Variants in UPRT observed in about 807,000 individuals in gnomAD.
UPRT encodes the protein RP11-311P8.3.
UPRT carries 5 observed loss-of-function variants against 22.6 expected under a neutral mutation model. The ratio of observed to expected loss-of-function variants is 0.22; its 90% CI spans 0.12 to 0.47. The LOEUF is 0.47. Ranked by LOEUF, UPRT falls within the 20% of genes least tolerant of loss-of-function variation. UPRT has a pLI of 0.99. For synonymous variants in UPRT, 77 were observed against 87.7 expected, an observed-to-expected ratio of 0.88 and a Z score of 0.68; for missense variants, 181 against 239.9, an observed-to-expected ratio of 0.75 and a Z score of 1.62.
At chrX:75,274,719 G>A (rs771526505) in intron 1 of UPRT, 79 bp downstream of exon 1, 118 of 1,082,740 alleles carry the variant, frequency 1.1e-4, no homozygotes, top group Non-Finnish European at 1.4e-4. Context: ...AAAGGGCTAA[G>A]AGACAGTGTT....
intron 4 of UPRT, among the ~76,000 whole-genome samples, chrX:75,182,113 G>A (rs1454009817): frequency 1.8e-5 from 2 of 111,134 alleles, no homozygotes; most frequent in African/African-American, 6.5e-5. Context: ...ATCATGTTTT[G>A]TTTGTTTGTT....
intron 4 of UPRT, among the ~76,000 whole-genome samples, chrX:75,247,203 A>G (rs775188412): frequency 1.8e-5 from 2 of 111,544 alleles, no homozygotes; most frequent in Non-Finnish European, 3.8e-5. Flanking sequence ...TTCCGGGTTC[A>G]TCTCACTGGG....
intron 4 of UPRT, among the ~76,000 whole-genome samples, chrX:75,231,705 A>T (rs2082438963): frequency 8.9e-6 from 1 of 112,225 alleles, no homozygotes; most frequent in Non-Finnish European, 1.9e-5. Flanking sequence ...AAGCAAAAGG[A>T]TCAGGTAACA....
upstream of UPRT, among the ~76,000 whole-genome samples, chrX:75,269,487 C>G (rs1207014504): frequency 9.0e-6 from 1 of 111,423 alleles, no homozygotes; most frequent in African/African-American, 3.3e-5. Flanking sequence ...AGACATCATG[C>G]TACCTGACTT....
chrX:75,267,002 G>C (rs990347442), intron 4 of UPRT, among the ~76,000 whole-genome samples: 1 of 111,213 alleles, frequency 9.0e-6, no homozygotes, highest in Admixed American at 9.6e-5. Context: ...ACTGTAAACT[G>C]GTTCAATCAT....
At chrX:75,253,610 C>T (rs957185704) in intron 4 of UPRT, among the ~76,000 whole-genome samples, 13 of 111,787 alleles carry the variant, frequency 1.2e-4, no homozygotes, top group South Asian at 3.8e-4. Context: ...CAGAGCAGTG[C>T]GTGGAGCCTC....
intron 4 of UPRT, among the ~76,000 whole-genome samples, chrX:75,179,186 C>G (rs974057323): frequency 4.5e-4 from 49 of 108,106 alleles, no homozygotes; most frequent in Admixed American, 2.6e-3. Context: ...TTCCAAGGCC[C>G]CACCAGAGCA....
intron 4 of UPRT, among the ~76,000 whole-genome samples, chrX:75,227,537 G>A (rs934606653): frequency 5.4e-5 from 6 of 111,943 alleles, no homozygotes; most frequent in South Asian, 3.7e-4. Context: ...AAAACTTGCC[G>A]AAGTTCCTGA....
intron 4 of UPRT, among the ~76,000 whole-genome samples, chrX:75,183,869 T>G (rs1274684145): frequency 8.9e-6 from 1 of 112,243 alleles, no homozygotes; most frequent in African/African-American, 3.2e-5. Context: ...TTGATGGGGT[T>G]GTTTGTTTTT....
intron 1 of UPRT, chrX:75,291,484 C>T: frequency 6.6e-6 from 2 of 303,567 alleles, no homozygotes; most frequent in South Asian, 6.1e-5. Context: ...TTAAAACATC[C>T]CTGTTAACAA....
intron 1 of UPRT, among the ~76,000 whole-genome samples, chrX:75,280,378 A>G (rs1346148143): frequency 1.8e-5 from 2 of 111,928 alleles, no homozygotes; most frequent in Non-Finnish European, 3.8e-5. Flanking sequence ...AGCCAAAGTT[A>G]TCTTCTAGAA....
At chrX:75,245,934 A>C (rs1036632991) in intron 4 of UPRT, among the ~76,000 whole-genome samples, 19 of 111,700 alleles carry the variant, frequency 1.7e-4, no homozygotes, top group African/African-American at 5.9e-4. Context: ...TGTACCCTTG[A>C]ACCAAAATAA....
At chrX:75,180,681 G>GTTTTTTTTTTTTGTTTTTTTTTTC (rs2082266200) in intron 4 of UPRT, among the ~76,000 whole-genome samples, 1 of 43,895 alleles carries the variant, frequency 2.3e-5, no homozygotes, top group Non-Finnish European at 3.8e-5. Context: ...CCTTTTCTCT[G>GTTTTTTTTTTTTGTTTTTTTTTTC]TTTTTTTTTT....
intron 4 of UPRT, among the ~76,000 whole-genome samples, chrX:75,219,979 T>C (rs1487957306): frequency 1.8e-5 from 2 of 111,563 alleles, no homozygotes; most frequent in Non-Finnish European, 3.8e-5. Context: ...ATTTTCAGCC[T>C]GGATGATCTG....
chrX:75,189,365 A>T (rs891864483), intron 4 of UPRT, among the ~76,000 whole-genome samples: 1 of 111,817 alleles, frequency 8.9e-6, no homozygotes, highest in South Asian at 3.7e-4. Flanking sequence ...TATAATTTCT[A>T]TTCTTTTACA....
intron 4 of UPRT, among the ~76,000 whole-genome samples, chrX:75,224,770 C>A (rs1041850917): frequency 5.4e-5 from 6 of 111,890 alleles, no homozygotes; most frequent in Non-Finnish European, 1.1e-4. Context: ...ACTTACTGGC[C>A]TATATTCTAG....
At chrX:75,254,347 T>C (rs1389311737) in intron 4 of UPRT, among the ~76,000 whole-genome samples, 2 of 111,307 alleles carry the variant, frequency 1.8e-5, no homozygotes, top group Non-Finnish European at 3.8e-5. Flanking sequence ...AATCAAAACT[T>C]CAGGAAACAA....
intron 4 of UPRT, among the ~76,000 whole-genome samples, chrX:75,203,305 T>C (rs909293558): frequency 9.0e-6 from 1 of 111,080 alleles, no homozygotes; most frequent in Non-Finnish European, 1.9e-5. Flanking sequence ...AACAAGTTCT[T>C]AGAGACCTAC....
At chrX:75,209,271 G>A (rs1248903869) in intron 4 of UPRT, among the ~76,000 whole-genome samples, 3 of 111,960 alleles carry the variant, frequency 2.7e-5, no homozygotes, top group East Asian at 2.8e-4. Context: ...AGGTGGTAGT[G>A]GTGATGGGCC....
Sources: allele counts gnomAD v4.1 joint callset (sites outside exome capture counted in the v4.1 genomes callset), GRCh38; gene constraint gnomAD v4.1.1; transcripts MANE v1.5; gene names NCBI Gene and HGNC (gene_info 2026-07-23, HGNC 2026-07-21).